NAV3: variants seen among roughly 807,000 people sequenced by gnomAD.
NAV3 encodes neuron navigator 3.
Under a neutral mutation model 244.7 loss-of-function variants are expected in NAV3, and 87 were observed. The ratio of observed to expected loss-of-function variants is 0.36; its 90% CI spans 0.30 to 0.42. The LOEUF (loss-of-function observed/expected upper bound fraction) is 0.42. Among genes scored for constraint, NAV3 ranks in the 20% least tolerant of loss-of-function variants. The pLI is 1.00. For synonymous variants in NAV3, 1,126 were observed against 1,042.2 expected (o/e 1.08, Z -1.55); for missense variants, 2,663 against 2,893.3 (o/e 0.92, Z 1.83).
In NAV3 at chr12:78,122,402, T is replaced by C. The variant is rs2138706183; in HGVS notation, c.4212T>C (p.Gly1404=). ...TCCAGAGCCTGCTCATGAGAACGGG[T>C]AGTGTGAGATCTACTCTCTCAGAAA... The part of the protein sequence containing the change: ...HEVQSLLMRT[G]SVRSTLSESM... The change falls in exon 16 of 40, where the codon GGT becomes GGC. Residue 1404 remains glycine (G), a synonymous_variant. Coordinates refer to ENST00000397909, the MANE Select transcript of NAV3 (RefSeq NM_001024383.2). 1 of 1,607,692 alleles carries C rather than the reference T, an allele frequency of 6.2e-7. No homozygotes were observed. Among genetic ancestry groups the C allele is most frequent in the Admixed American group, 1.7e-5 (1 of 59,512 alleles).
At chr12:77,583,223 T>G (rs1052744667) in intron 2 of NAV3, among the ~76,000 whole-genome samples, 10 of 152,224 alleles carry the variant, frequency 6.6e-5, no homozygotes, top group Non-Finnish European at 1.2e-4. Flanking sequence ...CTTAATATTT[T>G]TCATTAAAAT....
At chr12:77,867,030 AAT>A (rs1453756275) in intron 1 of NAV3, among the ~76,000 whole-genome samples, 1 of 152,226 alleles carries the variant, frequency 6.6e-6, no homozygotes, top group African/African-American at 2.4e-5. Flanking sequence ...CCCAATGGTG[AAT>A]AAAAGCTAAA....
intron 12 of NAV3, among the ~76,000 whole-genome samples, chr12:78,096,488 G>A (rs1954257529): frequency 6.6e-6 from 1 of 152,086 alleles, no homozygotes; most frequent in Non-Finnish European, 1.5e-5. Context: ...ATTTATGAAG[G>A]AAAGAGGTTT....
intron 2 of NAV3, among the ~76,000 whole-genome samples, chr12:77,760,353 C>A (rs1592655980): frequency 1.3e-5 from 2 of 152,268 alleles, no homozygotes; most frequent in South Asian, 4.1e-4. Context: ...TCTGGAGAAC[C>A]ACAGAGCAGC....
At chr12:77,645,561 C>A (rs1441572615) in intron 2 of NAV3, among the ~76,000 whole-genome samples, 200 of 112,964 alleles carry the variant, frequency 1.8e-3, no homozygotes, top group African/African-American at 3.7e-3. Flanking sequence ...AAAAAAAAAA[C>A]TTTCAAATCT....
At chr12:77,584,412 C>T (rs1469366925) in intron 2 of NAV3, among the ~76,000 whole-genome samples, 1 of 147,548 alleles carries the variant, frequency 6.8e-6, no homozygotes, top group Non-Finnish European at 1.5e-5. Flanking sequence ...GCAGCTCTCA[C>T]ATAGTATACC....
At chr12:78,134,569 T>C (rs544423282) in intron 18 of NAV3, among the ~76,000 whole-genome samples, 28 of 152,236 alleles carry the variant, frequency 1.8e-4, no homozygotes, top group Admixed American at 8.5e-4. Flanking sequence ...GATGCAAAAG[T>C]AGAGAGTGAC....
intron 1 of NAV3, among the ~76,000 whole-genome samples, chr12:77,872,958 A>G (rs1564299): frequency 0.15 from 23,254 of 152,162 alleles, 2,017 homozygotes; most frequent in African/African-American, 0.24. Context: ...TAATCCCCAC[A>G]TGTCATGGGC....
chr12:78,150,036 T>C (rs1957014259), intron 22 of NAV3, among the ~76,000 whole-genome samples: 2 of 152,070 alleles, frequency 1.3e-5, no homozygotes, highest in African/African-American at 4.8e-5. Flanking sequence ...ATAATAGCAG[T>C]TTTTAGATAA....
At chr12:78,177,542 C>T in intron 27 of NAV3, 78 bp from the exon 28 acceptor site, 2 of 1,365,470 alleles carry the variant, frequency 1.5e-6, no homozygotes, top group East Asian at 2.3e-5. Flanking sequence ...ATCTCATTCT[C>T]CAGTTTTCTG....
intron 12 of NAV3, among the ~76,000 whole-genome samples, chr12:78,101,649 C>T (rs748861022): frequency 1.3e-5 from 2 of 151,874 alleles, no homozygotes; most frequent in South Asian, 2.1e-4. Context: ...TCTTGAAATA[C>T]GTTTTATTGC....
chr12:77,902,358 C>G (rs149281332), intron 1 of NAV3, among the ~76,000 whole-genome samples: 2,671 of 152,262 alleles, frequency 0.018, 37 homozygotes, highest in Non-Finnish European at 0.03. Flanking sequence ...GATTTTGAAA[C>G]TGAGCCTATG....
In NAV3 at chr12:77,667,595, G is replaced by A. The variant is rs577993307; in HGVS notation, c.72+95329G>A. 7.0e-4 allele frequency among the ~76,000 whole-genome samples: 106 copies of A among 152,094 alleles called. 1 individual carries two copies. Among genetic ancestry groups the A allele is most frequent in the African/African-American group, 2.3e-3 (96 of 41,508 alleles). On this transcript the variant is annotated intron_variant, in intron 2 of 8. Transcript: ENST00000550042. ...ATCCCATCCCCCACAGTAGTCACAC[G>A]GCAAGCCTCACCCAGGGAGACTCTG...
chr12:77,798,393 A>AAT (rs1384606106), intron 2 of NAV3, among the ~76,000 whole-genome samples: 1 of 152,202 alleles, frequency 6.6e-6, no homozygotes, highest in Non-Finnish European at 1.5e-5. Flanking sequence ...AGTATAATTT[A>AAT]ATATAATTTT....
chr12:78,144,598 T>A (rs1294761071), intron 20 of NAV3, among the ~76,000 whole-genome samples: 3 of 152,138 alleles, frequency 2.0e-5, no homozygotes, highest in African/African-American at 7.2e-5. Flanking sequence ...AAAGTCATGC[T>A]ATACGGTATG....
At chr12:78,203,768 GAA>G (rs1219245052) in intron 38 of NAV3, among the ~76,000 whole-genome samples, 2 of 151,568 alleles carry the variant, frequency 1.3e-5, no homozygotes, top group Non-Finnish European at 2.9e-5. Context: ...GTAATTTAAG[GAA>G]AAAGTGTCCC....
intron 3 of NAV3, among the ~76,000 whole-genome samples, chr12:77,945,769 A>C (rs1252145233): frequency 1.3e-5 from 2 of 151,824 alleles, no homozygotes; most frequent in Admixed American, 6.6e-5. Flanking sequence ...ATTTTTTGAG[A>C]CGAAGTCTCG....
chr12:78,141,424 A>T (rs1170246426), intron 20 of NAV3, among the ~76,000 whole-genome samples: 1 of 152,230 alleles, frequency 6.6e-6, no homozygotes, highest in Non-Finnish European at 1.5e-5. Flanking sequence ...GGACTTGAGT[A>T]CTATGAATAA....
At chr12:77,944,394 G>T (rs1257369859) in intron 3 of NAV3, among the ~76,000 whole-genome samples, 3 of 152,038 alleles carry the variant, frequency 2.0e-5, no homozygotes, top group African/African-American at 7.2e-5. Context: ...AGTACAGGGA[G>T]CTTAAAATGG....
Sources: allele counts gnomAD v4.1 joint callset (sites outside exome capture counted in the v4.1 genomes callset), GRCh38; gene constraint gnomAD v4.1.1; transcripts MANE v1.5; gene names NCBI Gene and HGNC (gene_info 2026-07-23, HGNC 2026-07-21).